Variants in ATP10A observed in about 807,000 individuals in gnomAD.
The protein encoded by ATP10A is phospholipid-transporting ATPase VA.
In ATP10A, 111 loss-of-function variants were observed where a neutral mutation model predicts 147.8. The ratio of observed to expected loss-of-function variants is 0.75; its 90% CI spans 0.64 to 0.88. The LOEUF (loss-of-function observed/expected upper bound fraction) is 0.88, where lower values mean the gene tolerates loss of function less well. ATP10A is among the 40% of genes least tolerant of loss of function. The pLI is 0.00. For synonymous variants in ATP10A, 875 were observed against 841.6 expected, an observed-to-expected ratio of 1.04 and a Z score of -0.69; for missense variants, 1,927 against 1,959.0, an observed-to-expected ratio of 0.98 and a Z score of 0.31.
chr15:25,701,529 TA>T (rs1399677316), intron 13 of ATP10A, among the ~76,000 whole-genome samples: 13 of 152,194 alleles, frequency 8.5e-5, no homozygotes, highest in Admixed American at 5.9e-4. Context: ...CTTGGGGATT[TA>T]AACAGACAAA....
rs906137939 is a variant in ATP10A, at chr15:25,714,878, G to A, written c.1777-637C>T. Among the ~76,000 whole-genome samples, 12 of 151,572 alleles carry A rather than the reference G, an allele frequency of 7.9e-5. No homozygotes were observed. In the South Asian group the frequency reaches 1.7e-3, roughly 21 times the overall value. On this transcript the variant is annotated intron_variant, in intron 9 of 20. Transcript: ENST00000555815. ...CAGTCCCCAAATAATCCTTCTAAGC[G>A]CATTAAATACACTGACAAATTGAGG...
intron 10 of ATP10A, among the ~76,000 whole-genome samples, chr15:25,711,056 C>T (rs938595137): frequency 3.3e-5 from 5 of 152,020 alleles, no homozygotes; most frequent in African/African-American, 7.3e-5. Flanking sequence ...TCATCCCAGC[C>T]GTAAGTGTAG....
At chr15:25,757,002 G>A (rs1035549620) in intron 2 of ATP10A, among the ~76,000 whole-genome samples, 3 of 152,162 alleles carry the variant, frequency 2.0e-5, no homozygotes, top group South Asian at 4.2e-4. Flanking sequence ...ACATTCAAAC[G>A]GCCATAAACA....
At chr15:25,844,628 C>T (rs564236803) in intron 1 of ATP10A, among the ~76,000 whole-genome samples, 2 of 152,282 alleles carry the variant, frequency 1.3e-5, no homozygotes, top group Admixed American at 6.5e-5. Context: ...TCCTCCTGCC[C>T]GCCCCATGCA....
downstream of ATP10A, among the ~76,000 whole-genome samples, chr15:25,674,990 C>T (rs1437292432): frequency 6.6e-6 from 1 of 152,196 alleles, no homozygotes; most frequent in East Asian, 1.9e-4. Flanking sequence ...TAAACAAGAA[C>T]TGAGGATGCT....
At position 25,727,184 on chromosome 15, in the gene ATP10A, C is replaced by T. The variant is rs761741671; in HGVS notation, c.823G>A (p.Val275Ile). 6.2e-7 allele frequency: 1 copy of T among 1,614,148 alleles called. No homozygotes were observed. Among genetic ancestry groups the T allele is most frequent in the South Asian group, 1.1e-5 (1 of 91,082 alleles). ...RGCTLRNTDA[V>I]VGIVIYAGHE... is the part of the protein sequence containing the mutation. ...CCTGCGTAGATGACAATGCCGACGA[C>T]TGCGTCCGTGTTCCTAAGGGTGCAG... The change falls in exon 4 of 21, where the codon GTC becomes ATC. Residue 275 changes from valine to isoleucine, a missense_variant. By Grantham distance (29) the Val-to-Ile change is conservative. Coordinates refer to ENST00000555815, the MANE Select transcript of ATP10A (RefSeq NM_024490.4).
chr15:25,695,262 G>A (rs1018170860), intron 13 of ATP10A, 116 bp from the exon 14 acceptor site: 17 of 958,014 alleles, frequency 1.8e-5, no homozygotes, highest in African/African-American at 8.3e-5. Flanking sequence ...TGCAGTACCC[G>A]CCTGCCCAGA....
At chr15:25,792,410 G>A (rs1890470076) in intron 1 of ATP10A, among the ~76,000 whole-genome samples, 1 of 152,194 alleles carries the variant, frequency 6.6e-6, no homozygotes, top group African/African-American at 2.4e-5. Flanking sequence ...GCCCCAGCCA[G>A]TCTGAGGTCC....
At chr15:25,685,595 C>G (rs981565287) in intron 16 of ATP10A, among the ~76,000 whole-genome samples, 1 of 152,046 alleles carries the variant, frequency 6.6e-6, no homozygotes, top group Non-Finnish European at 1.5e-5. Context: ...CTTTGGGAGG[C>G]AGAGATGGGA....
chr15:25,706,558 C>T (rs544905714), intron 12 of ATP10A, among the ~76,000 whole-genome samples: 9 of 152,200 alleles, frequency 5.9e-5, no homozygotes, highest in Non-Finnish European at 1.2e-4. Context: ...CAGGGCTGGA[C>T]AACTGAGTCA....
chr15:25,791,250 A>T (rs1325828135), intron 1 of ATP10A, among the ~76,000 whole-genome samples: 1 of 126,366 alleles, frequency 7.9e-6, no homozygotes, highest in Non-Finnish European at 1.8e-5. Flanking sequence ...TGGCTAGGGC[A>T]GGACATCTAC....
chr15:25,716,745 A>C lies in ATP10A; in HGVS notation c.1761T>G (p.Asp587Glu), dbSNP rs772330136. The C allele has an allele frequency of 5.0e-6, 8 of 1,591,346 alleles. No individual in the cohort carries two copies. The highest frequency in any genetic ancestry group is 6.8e-6 in the Non-Finnish European group (8 of 1,168,146). Residue 587 changes from aspartate (D) to glutamate (E), a missense_variant, in exon 9 of 21, where the codon GAT becomes GAG. Transcript: ENST00000555815. Reference protein sequence around the residue: ...ICNTVVVTSPDQPRTKVRVRF... With the variant: ...ICNTVVVTSPEQPRTKVRVRF... ...CAGAACTTGCCTTTGTTCGTGGCTG[A>C]TCCGGGGACGTGACGACGACTGTGT... is the stretch of plus-strand genomic sequence containing the variant.
chr15:25,699,940 G>T (rs1448973695), intron 13 of ATP10A, among the ~76,000 whole-genome samples: 2 of 151,870 alleles, frequency 1.3e-5, no homozygotes, highest in African/African-American at 4.8e-5. Flanking sequence ...TTTTGTGAAA[G>T]ACAATATTAA....
chr15:25,792,135 C>T (rs190806138), intron 1 of ATP10A, among the ~76,000 whole-genome samples: 1 of 152,220 alleles, frequency 6.6e-6, no homozygotes, highest in Non-Finnish European at 1.5e-5. Flanking sequence ...CCCACTGAAC[C>T]TACATACCCA....
chr15:25,702,346 G>A lies in ATP10A; in HGVS notation c.2576-246C>T, dbSNP rs1234373733. On this transcript the variant is annotated intron_variant, in intron 12 of 20. Coordinates refer to ENST00000555815, the MANE Select transcript of ATP10A (RefSeq NM_024490.4). ...CTGTCGATGTGACTCAGTCGAGTGC[G>A]TAGGAATAACTGTGAGTCACTGAGC... Among the ~76,000 whole-genome samples the A allele has an allele frequency of 3.9e-5, 6 of 152,242 alleles. No homozygotes were observed. In the East Asian group the frequency reaches 5.8e-4, roughly 15 times the overall value.
At chr15:25,836,732 G>A (rs1475067820) in intron 1 of ATP10A, among the ~76,000 whole-genome samples, 1 of 152,168 alleles carries the variant, frequency 6.6e-6, no homozygotes, top group Non-Finnish European at 1.5e-5. Flanking sequence ...TTGGCTCATG[G>A]GCACCAGTGC....
At chr15:25,764,696 C>T (rs1207422537) in intron 2 of ATP10A, among the ~76,000 whole-genome samples, 1 of 152,198 alleles carries the variant, frequency 6.6e-6, no homozygotes, top group Non-Finnish European at 1.5e-5. Flanking sequence ...CATTTCATTA[C>T]AGTATTAGGA....
chr15:25,752,132 A>G (rs1328375477), intron 2 of ATP10A, among the ~76,000 whole-genome samples: 1 of 152,164 alleles, frequency 6.6e-6, no homozygotes, highest in Non-Finnish European at 1.5e-5. Context: ...AAATAGAATT[A>G]CCATATGAAC....
intron 1 of ATP10A, among the ~76,000 whole-genome samples, chr15:25,803,861 C>T (rs1229007347): frequency 6.6e-6 from 1 of 152,250 alleles, no homozygotes; most frequent in Non-Finnish European, 1.5e-5. Context: ...ACTCCCATCA[C>T]CTCTCCTGGC....
Sources: allele counts gnomAD v4.1 joint callset (sites outside exome capture counted in the v4.1 genomes callset), GRCh38; gene constraint gnomAD v4.1.1; transcripts MANE v1.5; gene names NCBI Gene and HGNC (gene_info 2026-07-23, HGNC 2026-07-21).